The following SAMD8 variants were observed in gnomAD, a reference collection of about 807,000 sequenced individuals.
SAMD8 encodes the protein sphingomyelin synthase-related protein 1.
Under a neutral mutation model 42.0 loss-of-function variants are expected in SAMD8, and 20 were observed. The ratio of observed to expected loss-of-function variants is 0.48; its 90% CI spans 0.34 to 0.69. The LOEUF is 0.69. Among genes scored for constraint, SAMD8 ranks in the 30% least tolerant of loss-of-function variants. The pLI, the probability that SAMD8 is intolerant of heterozygous loss-of-function variation, is 0.01. For missense variants in SAMD8, 328 were observed against 511.6 expected (o/e 0.64, Z 3.46); for synonymous variants, 162 against 173.0 (o/e 0.94, Z 0.50).
chr10:75,103,241 G>A (rs1848287974), intron 1 of SAMD8, among the ~76,000 whole-genome samples: 1 of 152,252 alleles, frequency 6.6e-6, no homozygotes, highest in Non-Finnish European at 1.5e-5. Flanking sequence ...ATTGCCAACA[G>A]CAGGACCCAG....
At chr10:75,167,161 A>AT (rs942852371) in intron 3 of SAMD8, among the ~76,000 whole-genome samples, 24 of 152,208 alleles carry the variant, frequency 1.6e-4, no homozygotes, top group African/African-American at 3.4e-4. Context: ...TGATATAAAC[A>AT]TTTTTTTTAA....
At chr10:75,129,616 AAG>A (rs1849228329) in intron 1 of SAMD8, among the ~76,000 whole-genome samples, 1 of 152,198 alleles carries the variant, frequency 6.6e-6, no homozygotes, top group South Asian at 2.1e-4. Flanking sequence ...ACGTAGGAAA[AAG>A]AAGTTATATA....
At chr10:75,130,329 C>G (rs370232596) in intron 1 of SAMD8, among the ~76,000 whole-genome samples, 1 of 151,928 alleles carries the variant, frequency 6.6e-6, no homozygotes, top group Non-Finnish European at 1.5e-5. Flanking sequence ...TGGAGAAACC[C>G]CGTCTCTACT....
chr10:75,171,160 C>CTTTTTTTTTTTTTTTTTTTTTTTTTT lies in SAMD8; in HGVS notation c.792+2526_792+2527insTTTTTTTTTTTTTTTTTTTTTTTTTT, dbSNP rs1003923090. On this transcript the variant is annotated intron_variant, in intron 4 of 5. Transcript: ENST00000542569. ...TCCTTTTCTTTCTTTCTTTCTTTTT[C>CTTTTTTTTTTTTTTTTTTTTTTTTTT]TTTTTTTTTTTTTTTTTTTTTTTTG... 7.9e-4 allele frequency among the ~76,000 whole-genome samples: 54 copies of CTTTTTTTTTTTTTTTTTTTTTTTTTT among 68,520 alleles called. 1 individual carries two copies. Among genetic ancestry groups the CTTTTTTTTTTTTTTTTTTTTTTTTTT allele is most frequent in the African/African-American group, 1.3e-3 (23 of 17,374 alleles). 45.0% of individuals were successfully genotyped at this position (68,520 alleles called of 152,430 possible).
In SAMD8 at chr10:75,111,805, G is replaced by A. The variant is rs150994226; in HGVS notation, c.-16+83G>A. 4,191 of 1,227,944 alleles carry A rather than the reference G, an allele frequency of 3.4e-3. 11 individuals are homozygous for A. Among genetic ancestry groups the A allele is most frequent in the South Asian group, 0.011 (251 of 23,774 alleles). The allele number at this position is 1,227,944 out of a possible 1,614,324, so 76.1% of individuals were successfully genotyped here. Reference sequence around the variant, plus strand: ...TGAGTGGGGAGTCTGGGATGGAGCCGGGGGCTGCCGAGGGACCGCGACCTG... The same window carrying A: ...TGAGTGGGGAGTCTGGGATGGAGCCAGGGGCTGCCGAGGGACCGCGACCTG... On this transcript the variant is annotated intron_variant, in intron 1 of 5. Coordinates refer to ENST00000542569, the MANE Select transcript of SAMD8 (RefSeq NM_001174156.2).
At chr10:75,148,916 G>A (rs568354735) in intron 1 of SAMD8, among the ~76,000 whole-genome samples, 2 of 152,136 alleles carry the variant, frequency 1.3e-5, no homozygotes, top group African/African-American at 4.8e-5. Flanking sequence ...CAATTATACA[G>A]CTTGATGAAT....
At chr10:75,142,636 C>T (rs1346005235) in intron 1 of SAMD8, among the ~76,000 whole-genome samples, 4 of 151,864 alleles carry the variant, frequency 2.6e-5, no homozygotes, top group African/African-American at 9.7e-5. Context: ...GGGGTTTCAC[C>T]ATGTTGGCCA....
At chr10:75,174,831 G>A (rs4745767) in intron 4 of SAMD8, among the ~76,000 whole-genome samples, 1 of 152,080 alleles carries the variant, frequency 6.6e-6, no homozygotes, top group Non-Finnish European at 1.5e-5. Context: ...GTATGTGTGG[G>A]AGTTGGGATT....
intron 1 of SAMD8, chr10:75,099,761 G>C: frequency 4.3e-6 from 1 of 230,438 alleles, no homozygotes; most frequent in Non-Finnish European, 8.3e-6. Context: ...AGGGAGGAGA[G>C]CCTGGCTCCC....
At chr10:75,146,532 C>T (rs2134471769) in intron 1 of SAMD8, among the ~76,000 whole-genome samples, 1 of 152,072 alleles carries the variant, frequency 6.6e-6, no homozygotes, top group South Asian at 2.1e-4. Context: ...GTGATCCGCC[C>T]ACCTCAGCCT....
intron 1 of SAMD8, among the ~76,000 whole-genome samples, chr10:75,114,944 A>T (rs1354420309): frequency 6.6e-6 from 1 of 152,166 alleles, no homozygotes; most frequent in Admixed American, 6.6e-5. Flanking sequence ...TTACCTATGA[A>T]GCTCTTTTGA....
At chr10:75,172,701 T>C (rs979839245) in intron 4 of SAMD8, among the ~76,000 whole-genome samples, 3 of 152,190 alleles carry the variant, frequency 2.0e-5, no homozygotes, top group South Asian at 4.1e-4. Flanking sequence ...TTTCACCATC[T>C]TGGCCAGGCT....
chr10:75,108,324 A>G (rs745790617), upstream of SAMD8: 3 of 1,462,648 alleles, frequency 2.1e-6, no homozygotes, highest in African/African-American at 2.8e-5. Flanking sequence ...AGAGAGTCCA[A>G]CCCCAGCAAG....
chr10:75,155,182 A>AC (rs1421577948), intron 2 of SAMD8, among the ~76,000 whole-genome samples: 1 of 151,700 alleles, frequency 6.6e-6, no homozygotes. Flanking sequence ...GTGAGCTACC[A>AC]CCCCCCAGCC....
At chr10:75,166,791 C>G (rs891788024) in intron 3 of SAMD8, among the ~76,000 whole-genome samples, 1 of 152,202 alleles carries the variant, frequency 6.6e-6, no homozygotes, top group Non-Finnish European at 1.5e-5. Flanking sequence ...TGGAGTTTAC[C>G]TTACAGGAAA....
chr10:75,106,610 G>A (rs988010913), intron 1 of SAMD8, among the ~76,000 whole-genome samples: 1 of 152,120 alleles, frequency 6.6e-6, no homozygotes, highest in Non-Finnish European at 1.5e-5. Flanking sequence ...TAGCACCCCC[G>A]CCGTGTGCTC....
At chr10:75,162,150 G>C (rs1186108522) in intron 2 of SAMD8, among the ~76,000 whole-genome samples, 1 of 152,142 alleles carries the variant, frequency 6.6e-6, no homozygotes, top group African/African-American at 2.4e-5. Context: ...CGTGAGGTCA[G>C]CAGTTTGAGA....
chr10:75,116,457 C>T (rs1412776888), intron 1 of SAMD8, among the ~76,000 whole-genome samples: 1 of 152,130 alleles, frequency 6.6e-6, no homozygotes, highest in Non-Finnish European at 1.5e-5. Flanking sequence ...GAGGTAGTAA[C>T]ATGAGTATCT....
At chr10:75,167,453 C>A (rs1043106904) in intron 3 of SAMD8, among the ~76,000 whole-genome samples, 1 of 152,010 alleles carries the variant, frequency 6.6e-6, no homozygotes, top group Non-Finnish European at 1.5e-5. Flanking sequence ...CCAGGCTGGT[C>A]TCAAGCGATC....
Sources: gnomAD v4.1 joint callset for allele counts (sites outside exome capture counted in the v4.1 genomes callset) on GRCh38, gnomAD v4.1.1 for gene constraint, MANE v1.5 for transcripts, NCBI Gene and HGNC (gene_info 2026-07-23, HGNC 2026-07-21) for gene names.